Variants in POM121 observed in about 807,000 individuals in gnomAD.
POM121 encodes the protein nuclear envelope pore membrane protein POM 121.
In POM121, 32 loss-of-function variants were observed where a neutral mutation model predicts 81.3. The observed-to-expected ratio is 0.39, with a 90% CI of 0.30 to 0.53. The LOEUF (loss-of-function observed/expected upper bound fraction) is 0.53. POM121 is among the 20% of genes least tolerant of loss of function. POM121 has a pLI of 0.66. For missense variants in POM121, 1,138 were observed against 1,614.6 expected (o/e 0.70, Z 5.06); for synonymous variants, 514 against 694.2 (o/e 0.74, Z 4.08).
intron 5 of POM121, among the ~76,000 whole-genome samples, chr7:72,934,563 T>C (rs1554499121): frequency 6.6e-6 from 1 of 152,164 alleles, no homozygotes. Flanking sequence ...CCTAAGGTCA[T>C]GATAATTTTC....
chr7:72,944,011 G>A (rs1797408674), intron 11 of POM121, among the ~76,000 whole-genome samples: 1 of 152,180 alleles, frequency 6.6e-6, no homozygotes, highest in Admixed American at 6.5e-5. Context: ...CTGTACTCCG[G>A]CCTGGGTGAC....
intron 3 of POM121, among the ~76,000 whole-genome samples, chr7:72,905,617 T>C (rs1197350414): frequency 1.3e-5 from 2 of 152,198 alleles, no homozygotes; most frequent in Admixed American, 1.3e-4. Flanking sequence ...GGAAAATTTC[T>C]TGAACCCAGG....
At chr7:72,913,509 G>A (rs1426195850) in intron 3 of POM121, among the ~76,000 whole-genome samples, 2 of 152,332 alleles carry the variant, frequency 1.3e-5, no homozygotes, top group East Asian at 3.9e-4. Flanking sequence ...CAGTTTGGGA[G>A]CAGGGATTGG....
At chr7:72,898,982 T>G (rs1792280667) in intron 3 of POM121, among the ~76,000 whole-genome samples, 1 of 31,594 alleles carries the variant, frequency 3.2e-5, no homozygotes, top group Admixed American at 3.1e-4. Context: ...TTCTTTTCTT[T>G]TTTTTTTTTT....
At chr7:72,925,082 C>T, upstream of POM121, 1 of 1,382,350 alleles carries the variant, frequency 7.2e-7, no homozygotes, top group Non-Finnish European at 9.3e-7. Flanking sequence ...GCGCGGTGCA[C>T]GCTGGGATAT....
chr7:72,914,339 C>G (rs187224018), intron 4 of POM121, among the ~76,000 whole-genome samples: 1 of 152,172 alleles, frequency 6.6e-6, no homozygotes, highest in Non-Finnish European at 1.5e-5. Flanking sequence ...CCCCACATGT[C>G]GTGGACCAGA....
At chr7:72,895,797 T>G (rs1554491659) in intron 3 of POM121, among the ~76,000 whole-genome samples, 1 of 151,612 alleles carries the variant, frequency 6.6e-6, no homozygotes, top group Admixed American at 6.6e-5. Flanking sequence ...TAATCCCAGC[T>G]ACTCCAGAGG....
chr7:72,883,831 A>G (rs529936004), intron 1 of POM121, among the ~76,000 whole-genome samples: 66 of 152,056 alleles, frequency 4.3e-4, no homozygotes, highest in African/African-American at 1.5e-3. Flanking sequence ...GTGATTTACT[A>G]TTGCTGTGAT....
intron 4 of POM121, among the ~76,000 whole-genome samples, chr7:72,918,207 AGG>A (rs1794471706): frequency 6.6e-6 from 1 of 152,110 alleles, no homozygotes; most frequent in Admixed American, 6.6e-5. Context: ...CCTCCACAAG[AGG>A]TGGAGGAGCA....
At chr7:72,939,682 C>T (rs1389030759) in intron 7 of POM121, among the ~76,000 whole-genome samples, 165 bp from the exon 8 acceptor site, 2 of 152,146 alleles carry the variant, frequency 1.3e-5, no homozygotes, top group Admixed American at 1.3e-4. Flanking sequence ...GGTTTGTGTG[C>T]GCGCCTTAAT....
chr7:72,941,617 A>G (rs1428944830), intron 10 of POM121, among the ~76,000 whole-genome samples: 1 of 151,296 alleles, frequency 6.6e-6, no homozygotes. Context: ...TTAGGCCCCC[A>G]TTTAGGCCCC....
rs139240118 is a variant in POM121, at chr7:72,925,969, T to C, written c.644+204T>C. On this transcript the variant is annotated intron_variant, in intron 1 of 12. Transcript: ENST00000434423. ...ATGTTGTGTTGCCAAAACGATTCTC[T>C]TCTTTCCAGTTCTAAAAACTCCTCG... Among the ~76,000 whole-genome samples, 930 of 152,288 alleles carry C rather than the reference T, an allele frequency of 6.1e-3. 3 individuals are homozygous for C. Among genetic ancestry groups the C allele is most frequent in the Non-Finnish European group, 9.0e-3 (611 of 68,028 alleles).
intron 4 of POM121, 132 bp from the exon 5 acceptor site, chr7:72,929,808 A>G: frequency 1.0e-5 from 14 of 1,336,554 alleles, no homozygotes; most frequent in Non-Finnish European, 1.4e-5. Flanking sequence ...ATTTGGCCAG[A>G]TTGTTAGCAG....
At chr7:72,884,047 A>G (rs1181531622) in intron 1 of POM121, among the ~76,000 whole-genome samples, 13 of 152,080 alleles carry the variant, frequency 8.5e-5, no homozygotes, top group Admixed American at 6.6e-5. Flanking sequence ...CTGGGAGTAT[A>G]GTCATATGCC....
At position 72,889,317 on chromosome 7, in the gene POM121, A is replaced by G. The variant is rs1791068296; in HGVS notation, c.-520-1310A>G. On this transcript the variant is annotated intron_variant, in intron 1 of 15. Coordinates refer to the POM121 transcript ENST00000395270. ...TATCTCTTGGGATCTACATGGTCCTAGCTGTATCACTGGGTTTGAACCCCT... is the reference window on the plus strand; with the variant it reads ...TATCTCTTGGGATCTACATGGTCCTGGCTGTATCACTGGGTTTGAACCCCT... 2.6e-5 allele frequency among the ~76,000 whole-genome samples: 4 copies of G among 152,334 alleles called. No individual in the cohort carries two copies. In the South Asian group the frequency reaches 8.3e-4, roughly 32 times the overall value.
At chr7:72,923,223 C>T (rs1794992077), upstream of POM121, among the ~76,000 whole-genome samples, 1 of 150,168 alleles carries the variant, frequency 6.7e-6, no homozygotes, top group Non-Finnish European at 1.5e-5. Flanking sequence ...ACCCAAACTG[C>T]ACTTTCTTCT....
chr7:72,893,750 A>T (rs1791552877), intron 3 of POM121, among the ~76,000 whole-genome samples: 1 of 152,138 alleles, frequency 6.6e-6, no homozygotes, highest in Non-Finnish European at 1.5e-5. Context: ...GTGGCTCGTC[A>T]GCAAGCGCTC....
chr7:72,901,925 C>A (rs528171642), intron 3 of POM121, among the ~76,000 whole-genome samples: 6 of 152,028 alleles, frequency 3.9e-5, no homozygotes, highest in South Asian at 2.1e-4. Context: ...CCAGCCTGGC[C>A]AACATGGTGA....
At chr7:72,936,936 C>T (rs1220372576) in intron 5 of POM121, among the ~76,000 whole-genome samples, 5 of 152,008 alleles carry the variant, frequency 3.3e-5, no homozygotes, top group East Asian at 1.9e-4. Flanking sequence ...TGTGAGCCAC[C>T]GCACTCGGCC....
Sources: gnomAD v4.1 joint callset for allele counts (sites outside exome capture counted in the v4.1 genomes callset) on GRCh38, gnomAD v4.1.1 for gene constraint, MANE v1.5 for transcripts, NCBI Gene and HGNC (gene_info 2026-07-23, HGNC 2026-07-21) for gene names.